SULF2: variants seen among roughly 807,000 people sequenced by gnomAD.
The protein encoded by SULF2 is extracellular sulfatase Sulf-2.
In SULF2, 52 loss-of-function variants were observed where a neutral mutation model predicts 107.7. The ratio of observed to expected loss-of-function variants is 0.48; its 90% confidence interval spans 0.39 to 0.61. The LOEUF is 0.61. Ranked by LOEUF, SULF2 falls within the 20% of genes least tolerant of loss-of-function variation. The probability of loss-of-function intolerance (pLI) is 0.00; values close to 1 mark genes in which losing one functional copy is unlikely to be tolerated. For synonymous variants in SULF2, 460 were observed against 464.3 expected (o/e 0.99, Z 0.12); for missense variants, 993 against 1,177.3 (o/e 0.84, Z 2.29).
intron 11 of SULF2, among the ~76,000 whole-genome samples, chr20:47,668,626 T>C (rs922736726): frequency 2.6e-5 from 4 of 152,208 alleles, no homozygotes; most frequent in Non-Finnish European, 5.9e-5. Context: ...GGATGGTGCC[T>C]ACCCTACAAA....
chr20:47,679,072 T>C (rs2087742154), intron 7 of SULF2, among the ~76,000 whole-genome samples: 1 of 141,850 alleles, frequency 7.0e-6, no homozygotes, highest in South Asian at 2.3e-4. Context: ...CTCCTGCCCT[T>C]CCTGTCCCCA....
At chr20:47,740,476 T>A (rs1233333684) in intron 2 of SULF2, among the ~76,000 whole-genome samples, 1 of 151,322 alleles carries the variant, frequency 6.6e-6, no homozygotes, top group Non-Finnish European at 1.5e-5. Flanking sequence ...GGGGTGGGGG[T>A]GGCCCAGGGT....
chr20:47,679,881 C>T (rs1386184346), intron 7 of SULF2, among the ~76,000 whole-genome samples: 1 of 152,146 alleles, frequency 6.6e-6, no homozygotes, highest in Non-Finnish European at 1.5e-5. Context: ...CCCTCCCCAC[C>T]CTCCCTGCTT....
intron 1 of SULF2, among the ~76,000 whole-genome samples, chr20:47,779,117 G>A (rs1392651695): frequency 6.6e-6 from 1 of 152,092 alleles, no homozygotes; most frequent in Non-Finnish European, 1.5e-5. Context: ...CCACGCACCA[G>A]GCTGCCTAGT....
intron 5 of SULF2, chr20:47,685,916 C>A (rs557238272): frequency 1.3e-5 from 2 of 152,378 alleles, no homozygotes; most frequent in South Asian, 4.1e-4. Context: ...ATGATGATAT[C>A]ATGGCAGTGG....
chr20:47,662,020 G>C, intron 17 of SULF2, 124 bp from the exon 18 acceptor site: 1 of 1,031,644 alleles, frequency 9.7e-7, no homozygotes, highest in Non-Finnish European at 1.3e-6. Context: ...CTGGTGACCT[G>C]TTTACTCCAA....
chr20:47,679,848 A>G (rs1161468578), intron 7 of SULF2, among the ~76,000 whole-genome samples: 1 of 152,142 alleles, frequency 6.6e-6, no homozygotes, highest in Admixed American at 6.5e-5. Flanking sequence ...GCCCCTCCTG[A>G]GGACCCTATT....
At chr20:47,716,397 T>C (rs1256751813) in intron 3 of SULF2, among the ~76,000 whole-genome samples, 2 of 152,110 alleles carry the variant, frequency 1.3e-5, no homozygotes, top group African/African-American at 2.4e-5. Context: ...CCCAGCTACT[T>C]GGGAGGCTGA....
chr20:47,744,244 G>A (rs1206671936), intron 2 of SULF2, among the ~76,000 whole-genome samples: 5 of 152,040 alleles, frequency 3.3e-5, no homozygotes, highest in African/African-American at 7.2e-5. Flanking sequence ...GTGCAGCGGC[G>A]CGATCTCGGC....
intron 3 of SULF2, among the ~76,000 whole-genome samples, chr20:47,733,030 T>A (rs898521796): frequency 6.6e-6 from 1 of 152,178 alleles, no homozygotes; most frequent in African/African-American, 2.4e-5. Flanking sequence ...CAATCTCCAC[T>A]GCAAACATGG....
intron 4 of SULF2, among the ~76,000 whole-genome samples, chr20:47,695,906 C>T (rs2146565608): frequency 6.6e-6 from 1 of 152,364 alleles, no homozygotes; most frequent in Middle Eastern, 3.4e-3. Context: ...AACCACTGCG[C>T]CTGGCCGGAT....
At position 47,757,380 on chromosome 20, in the gene SULF2, T is replaced by G. The variant is rs374741747; in HGVS notation, c.-17A>C. On this transcript the variant is annotated 5_prime_UTR_variant, in exon 2 of 21. Coordinates refer to ENST00000688720, the MANE Select transcript of SULF2 (RefSeq NM_001387048.1). ...GGGGCCCATCTTCTTTTTTTGCTGA[T>G]CTGGTGCTTCTTTTGGGATGCGGGA... is the stretch of plus-strand genomic sequence containing the variant. The G allele has an allele frequency of 1.2e-5, 18 of 1,563,412 alleles. No homozygotes were observed. The highest frequency in any genetic ancestry group is 1.5e-5 in the Non-Finnish European group (17 of 1,149,724).
chr20:47,768,890 T>G (rs1173360520), intron 1 of SULF2, among the ~76,000 whole-genome samples: 3 of 150,046 alleles, frequency 2.0e-5, no homozygotes, highest in Non-Finnish European at 4.5e-5. Context: ...GTGTTTTTTT[T>G]TTTTTTTTTG....
Position 47,663,214 on chromosome 20 carries a change from T to G in SULF2, c.2228-2A>C. The G allele has an allele frequency of 6.2e-7, 1 of 1,614,022 alleles. No homozygotes were observed. The highest frequency in any genetic ancestry group is 8.5e-7 in the Non-Finnish European group (1 of 1,180,018). ...TGGTGCAGGCACAGAAAGGCCCCAC[T>G]GCCAAGGAAGAGAGAGCATGTCCTG... On this transcript the variant is annotated splice_acceptor_variant, in intron 16 of 20. Coordinates refer to ENST00000688720, the MANE Select transcript of SULF2 (RefSeq NM_001387048.1). LOFTEE classifies it high-confidence loss of function.
intron 3 of SULF2, among the ~76,000 whole-genome samples, chr20:47,721,316 G>C (rs146545384): frequency 6.6e-6 from 1 of 152,100 alleles, no homozygotes; most frequent in Non-Finnish European, 1.5e-5. Flanking sequence ...GAAGCAGAGC[G>C]AGCTGGGGGC....
chr20:47,709,196 G>A (rs4809645), intron 3 of SULF2, among the ~76,000 whole-genome samples: 91,607 of 151,968 alleles, frequency 0.6, 28,194 homozygotes, highest in East Asian at 0.73. Context: ...CAGGTGGCTG[G>A]TGCCTGGGAA....
chr20:47,688,593 G>C (rs959278291), intron 5 of SULF2, among the ~76,000 whole-genome samples: 5 of 152,228 alleles, frequency 3.3e-5, no homozygotes, highest in African/African-American at 1.2e-4. Flanking sequence ...GCAGGGATGA[G>C]TTCTAAGTGG....
chr20:47,738,062 C>T, intron 2 of SULF2, among the ~76,000 whole-genome samples: 1 of 152,150 alleles, frequency 6.6e-6, no homozygotes, highest in South Asian at 2.1e-4. Context: ...TCTTGTTTCT[C>T]AACCAAGCTG....
At position 47,694,439 on chromosome 20, in the gene SULF2, A is replaced by G. The variant is rs1352416795; in HGVS notation, c.568-4144T>C. Reference sequence around the variant, plus strand: ...GGGTGCCCGGGTCAAGCCATGAGGAAGAACTCTGAAATTCAGACCTGTGAG... The same window carrying G: ...GGGTGCCCGGGTCAAGCCATGAGGAGGAACTCTGAAATTCAGACCTGTGAG... On this transcript the variant is annotated intron_variant, in intron 4 of 20. Transcript: ENST00000688720. The surrounding 1 kb of genome is among the most constrained non-coding windows in gnomAD (Gnocchi z 4.4). 1.3e-5 allele frequency among the ~76,000 whole-genome samples: 2 copies of G among 152,206 alleles called. No homozygotes were observed. The highest frequency in any genetic ancestry group is 2.9e-5 in the Non-Finnish European group (2 of 68,026).
Sources: gnomAD v4.1 joint callset for allele counts (sites outside exome capture counted in the v4.1 genomes callset) on GRCh38, gnomAD v4.1.1 for gene constraint, Gnocchi (gnomAD v3.1) non-coding constraint, MANE v1.5 for transcripts, NCBI Gene and HGNC (gene_info 2026-07-23, HGNC 2026-07-21) for gene names.